Variants in UBE2E2 observed in about 807,000 individuals in gnomAD.
UBE2E2 encodes ubiquitin conjugating enzyme E2 E2.
Under a neutral mutation model 24.7 loss-of-function variants are expected in UBE2E2, and 6 were observed. The ratio of observed to expected loss-of-function variants is 0.24; its 90% CI spans 0.13 to 0.48. The LOEUF is 0.48. Ranked by LOEUF, UBE2E2 falls within the 20% of genes least tolerant of loss-of-function variation. The pLI is 0.99. For missense variants in UBE2E2, 169 were observed against 245.0 expected (o/e 0.69, Z 2.07); for synonymous variants, 104 against 83.6 (o/e 1.24, Z -1.33).
chr3:23,281,158 A>C (rs577358859), intron 3 of UBE2E2, among the ~76,000 whole-genome samples: 13 of 152,354 alleles, frequency 8.5e-5, no homozygotes, highest in African/African-American at 3.1e-4. Flanking sequence ...GTTGCAATAT[A>C]TGAATTTTAG....
chr3:23,490,974 A>C (rs1482865628), intron 3 of UBE2E2, among the ~76,000 whole-genome samples: 1 of 152,160 alleles, frequency 6.6e-6, no homozygotes, highest in Non-Finnish European at 1.5e-5. Context: ...GTACAAAATA[A>C]TTATTTTTCT....
intron 3 of UBE2E2, among the ~76,000 whole-genome samples, chr3:23,222,060 C>G (rs1051325538): frequency 2.6e-5 from 4 of 152,016 alleles, no homozygotes; most frequent in Admixed American, 2.0e-4. Flanking sequence ...TTTTTGAGAT[C>G]TACATTTTTA....
intron 3 of UBE2E2, among the ~76,000 whole-genome samples, chr3:23,470,237 T>C (rs1221845341): frequency 6.6e-6 from 1 of 152,198 alleles, no homozygotes; most frequent in Non-Finnish European, 1.5e-5. Flanking sequence ...GCCAAAGTTC[T>C]GAGTATGGCA....
intron 3 of UBE2E2, among the ~76,000 whole-genome samples, chr3:23,466,039 T>C (rs879876118): frequency 1.3e-5 from 2 of 152,170 alleles, no homozygotes; most frequent in African/African-American, 2.4e-5. Flanking sequence ...ATGCCACCTA[T>C]AAAGATATCA....
rs887393651 is a variant in UBE2E2, at chr3:23,474,768, A to G, written c.228-24840A>G. Among the ~76,000 whole-genome samples, 1 of 152,010 alleles carries G rather than the reference A, an allele frequency of 6.6e-6. No individual in the cohort carries two copies. The highest frequency in any genetic ancestry group is 2.1e-4 in the South Asian group (1 of 4,818). ...TCCTTCCTTCCTGTCACAGCAGAAAAGGTGTCAGTGCTTCTGTCTGTGGTT... is the reference window on the plus strand; with the variant it reads ...TCCTTCCTTCCTGTCACAGCAGAAAGGGTGTCAGTGCTTCTGTCTGTGGTT... On this transcript the variant is annotated intron_variant, in intron 3 of 5. Coordinates refer to ENST00000396703, the MANE Select transcript of UBE2E2 (RefSeq NM_152653.4). This position sits in a 1 kb window ranked among gnomAD's most constrained non-coding sequence, Gnocchi z 4.0.
chr3:23,443,805 A>G (rs1698360247), intron 3 of UBE2E2, among the ~76,000 whole-genome samples: 1 of 152,202 alleles, frequency 6.6e-6, no homozygotes, highest in African/African-American at 2.4e-5. Flanking sequence ...CAGGCTCTAC[A>G]TTATACGTAG....
intron 3 of UBE2E2, among the ~76,000 whole-genome samples, chr3:23,436,197 C>T (rs1322133914): frequency 6.6e-6 from 1 of 151,994 alleles, no homozygotes; most frequent in Non-Finnish European, 1.5e-5. Flanking sequence ...TCATTCAAGG[C>T]CTTCCCGATT....
chr3:23,205,923 A>C (rs535117548), intron 1 of UBE2E2, among the ~76,000 whole-genome samples: 1 of 152,324 alleles, frequency 6.6e-6, no homozygotes, highest in South Asian at 2.1e-4. Flanking sequence ...TAGTATGTAA[A>C]TGCACATAAA....
chr3:23,466,338 GA>G (rs1330005883), intron 3 of UBE2E2, among the ~76,000 whole-genome samples: 1 of 152,190 alleles, frequency 6.6e-6, no homozygotes, highest in African/African-American at 2.4e-5. Context: ...AAATACGCAT[GA>G]TGATCTCAGC....
chr3:23,408,793 A>G (rs984560748), intron 3 of UBE2E2, among the ~76,000 whole-genome samples: 11 of 152,084 alleles, frequency 7.2e-5, no homozygotes, highest in South Asian at 2.1e-4. Flanking sequence ...TTTTGGGAGT[A>G]TACTTGTTAC....
intron 3 of UBE2E2, among the ~76,000 whole-genome samples, chr3:23,311,290 C>G (rs533131800): frequency 6.6e-6 from 1 of 152,298 alleles, no homozygotes; most frequent in East Asian, 1.9e-4. Flanking sequence ...CAAGTCTTTG[C>G]TATTGTGAAT....
Position 23,229,077 on chromosome 3 carries a change from C to T in UBE2E2, c.227+11765C>T, listed in dbSNP as rs115523077. 7.5e-3 allele frequency among the ~76,000 whole-genome samples: 1,145 copies of T among 152,274 alleles called. 8 individuals are homozygous for T. The highest frequency in any genetic ancestry group is 0.025 in the African/African-American group (1,036 of 41,556). Reference sequence around the variant, plus strand: ...ATTACAACTCTTTTACCCGTTTCACCCAGTCTGGCAAGAGCTCTTTCTTTA... The same window carrying T: ...ATTACAACTCTTTTACCCGTTTCACTCAGTCTGGCAAGAGCTCTTTCTTTA... On this transcript the variant is annotated intron_variant, in intron 3 of 5. Transcript: ENST00000396703.
intron 3 of UBE2E2, among the ~76,000 whole-genome samples, chr3:23,374,288 A>G (rs1696466401): frequency 6.6e-6 from 1 of 152,248 alleles, no homozygotes; most frequent in African/African-American, 2.4e-5. Flanking sequence ...GATTAAAAAC[A>G]GAGATATTGG....
intron 5 of UBE2E2, among the ~76,000 whole-genome samples, chr3:23,545,902 C>A (rs887223414): frequency 2.6e-5 from 4 of 152,130 alleles, no homozygotes; most frequent in Non-Finnish European, 4.4e-5. Flanking sequence ...AGTGAAGTAA[C>A]TCAGGAATTG....
At chr3:23,204,506 A>T (rs905869613) in intron 1 of UBE2E2, among the ~76,000 whole-genome samples, 1 of 152,144 alleles carries the variant, frequency 6.6e-6, no homozygotes, top group Non-Finnish European at 1.5e-5. Flanking sequence ...TTAATCCCTG[A>T]TTTCTTTAAA....
At chr3:23,336,546 C>G (rs1167041653) in intron 3 of UBE2E2, among the ~76,000 whole-genome samples, 2 of 152,162 alleles carry the variant, frequency 1.3e-5, no homozygotes, top group Non-Finnish European at 2.9e-5. Context: ...ATCACCATCT[C>G]CTTTAGACAT....
At chr3:23,328,635 A>G (rs961720533) in intron 3 of UBE2E2, among the ~76,000 whole-genome samples, 1 of 150,164 alleles carries the variant, frequency 6.7e-6, no homozygotes, top group African/African-American at 2.4e-5. Flanking sequence ...AGATTCATTT[A>G]GCTAAAATGC....
intron 5 of UBE2E2, among the ~76,000 whole-genome samples, chr3:23,565,178 C>T (rs1661178281): frequency 6.6e-6 from 1 of 152,082 alleles, no homozygotes; most frequent in Admixed American, 6.6e-5. Flanking sequence ...AAATGTGCAT[C>T]CCTCTGGGAG....
chr3:23,509,752 G>A (rs979612237), intron 4 of UBE2E2, among the ~76,000 whole-genome samples: 1 of 103,462 alleles, frequency 9.7e-6, no homozygotes, highest in Admixed American at 1.5e-4. Flanking sequence ...AACAGGCCCC[G>A]GTGTGTGATG....
Sources: allele counts gnomAD v4.1 joint callset (sites outside exome capture counted in the v4.1 genomes callset), GRCh38; gene constraint gnomAD v4.1.1; non-coding constraint Gnocchi (gnomAD v3.1); transcripts MANE v1.5; gene names NCBI Gene and HGNC (gene_info 2026-07-23, HGNC 2026-07-21).